Variants in PRDM16 observed in about 807,000 individuals in gnomAD.
PRDM16 encodes the protein PR/SET domain 16, also known as histone-lysine N-methyltransferase PRDM16.
A neutral mutation model predicts 110.6 loss-of-function variants in PRDM16; 23 were observed. The ratio of observed to expected loss-of-function variants is 0.21; its 90% CI spans 0.15 to 0.29. The LOEUF (loss-of-function observed/expected upper bound fraction) is 0.29, where lower values mean the gene tolerates loss of function less well. Ranked by LOEUF, PRDM16 falls within the 10% of genes least tolerant of loss-of-function variation. The probability of loss-of-function intolerance (pLI) is 1.00; values close to 1 mark genes in which losing one functional copy is unlikely to be tolerated. For synonymous variants in PRDM16, 799 were observed against 781.8 expected (o/e 1.02, Z -0.37); for missense variants, 1,615 against 1,794.3 (o/e 0.90, Z 1.81).
intron 1 of PRDM16, among the ~76,000 whole-genome samples, chr1:3,155,355 C>T (rs1040103680): frequency 1.3e-5 from 2 of 152,236 alleles, no homozygotes; most frequent in South Asian, 2.1e-4. Context: ...CGTGTGGCTT[C>T]GCCCGATTAG....
intron 1 of PRDM16, among the ~76,000 whole-genome samples, chr1:3,083,542 C>A (rs1302726663): frequency 1.3e-5 from 2 of 152,086 alleles, no homozygotes; most frequent in Non-Finnish European, 2.9e-5. Flanking sequence ...AGGAATGTCA[C>A]CAGCCTGCTG....
chr1:3,349,628 A>C (rs575552579), intron 3 of PRDM16, among the ~76,000 whole-genome samples: 2 of 152,308 alleles, frequency 1.3e-5, no homozygotes, highest in South Asian at 2.1e-4. Context: ...GAGCCGAGGC[A>C]GCCCGGCAGA....
intron 12 of PRDM16, among the ~76,000 whole-genome samples, chr1:3,421,917 A>G (rs904045083): frequency 1.3e-5 from 2 of 149,972 alleles, no homozygotes; most frequent in Non-Finnish European, 3.0e-5. Context: ...AACAGACAGG[A>G]AGACAGACAG....
At chr1:3,099,360 C>T (rs1481031292) in intron 1 of PRDM16, among the ~76,000 whole-genome samples, 2 of 152,252 alleles carry the variant, frequency 1.3e-5, no homozygotes, top group African/African-American at 2.4e-5. Context: ...GCCAAGGGGC[C>T]GGGAGAGATG....
intron 1 of PRDM16, among the ~76,000 whole-genome samples, chr1:3,184,090 G>T (rs1644241280): frequency 6.6e-6 from 1 of 152,140 alleles, no homozygotes; most frequent in Non-Finnish European, 1.5e-5. Context: ...GGTCTTTAGG[G>T]GGGAGGAACA....
Position 3,181,440 on chromosome 1 carries a change from AGTCTTACACGGTCTTACACACG to A in PRDM16, c.38-4675_38-4654del, listed in dbSNP as rs1557509107. ...CTTACACACGCGGTCTTACACAAGC[AGTCTTACACGGTCTTACACACG>A]GTCTTACACACGCAGTCTTACACAC... On this transcript the variant is annotated intron_variant, in intron 1 of 16. Coordinates refer to ENST00000270722, the MANE Select transcript of PRDM16 (RefSeq NM_022114.4). 5.9e-4 allele frequency among the ~76,000 whole-genome samples: 15 copies of A among 25,372 alleles called. 3 individuals are homozygous for A. Among genetic ancestry groups the A allele is most frequent in the African/African-American group, 1.1e-3 (13 of 12,334 alleles). 16.6% of individuals were successfully genotyped at this position (25,372 alleles called of 152,430 possible).
intron 3 of PRDM16, among the ~76,000 whole-genome samples, chr1:3,320,907 G>A (rs1641724450): frequency 1.3e-5 from 2 of 152,184 alleles, no homozygotes; most frequent in Non-Finnish European, 2.9e-5. Flanking sequence ...GAGGGAGGGG[G>A]CTGGCACGCC....
chr1:3,369,234 C>T (rs1298044552), intron 3 of PRDM16, among the ~76,000 whole-genome samples: 1 of 152,220 alleles, frequency 6.6e-6, no homozygotes, highest in African/African-American at 2.4e-5. Context: ...TCAAAACTGA[C>T]TCTGCAGCAC....
intron 1 of PRDM16, among the ~76,000 whole-genome samples, chr1:3,183,022 T>C (rs981538312): frequency 1.2e-4 from 18 of 152,220 alleles, no homozygotes; most frequent in African/African-American, 3.6e-4. Context: ...AATGAGATCA[T>C]GGCAAATCCC....
chr1:3,218,811 C>T (rs568896506), intron 2 of PRDM16, among the ~76,000 whole-genome samples: 2 of 152,328 alleles, frequency 1.3e-5, no homozygotes, highest in South Asian at 2.1e-4. Context: ...GCACGCTCAG[C>T]GGACAAGGTG....
At chr1:3,362,462 G>A (rs1356481874) in intron 3 of PRDM16, among the ~76,000 whole-genome samples, 1 of 152,168 alleles carries the variant, frequency 6.6e-6, no homozygotes, top group African/African-American at 2.4e-5. Flanking sequence ...CGGGAGTGGG[G>A]CAGGCAGAGA....
chr1:3,425,363 C>A lies in PRDM16; in HGVS notation c.2940-218C>A, dbSNP rs1638571355. 1.9e-6 allele frequency: 1 copy of A among 526,896 alleles called. No homozygotes were observed. The allele number at this position is 526,896 out of a possible 1,614,324, so 32.6% of individuals were successfully genotyped here. A position where few individuals can be genotyped will look rare whatever the true frequency, so the allele number is the denominator to read the frequency against. ...AAAGTGCTGTGATTATAGGCGTGAACCCCTGCTTCTTGAAGCCGGGGCTGT... is the reference window on the plus strand; with the variant it reads ...AAAGTGCTGTGATTATAGGCGTGAAACCCTGCTTCTTGAAGCCGGGGCTGT... On this transcript the variant is annotated intron_variant, in intron 12 of 16. Coordinates refer to ENST00000270722, the MANE Select transcript of PRDM16 (RefSeq NM_022114.4). The surrounding 1 kb of genome is among the most constrained non-coding windows in gnomAD (Gnocchi z 6.9).
At chr1:3,117,859 A>G (rs969404334) in intron 1 of PRDM16, among the ~76,000 whole-genome samples, 6 of 152,104 alleles carry the variant, frequency 3.9e-5, no homozygotes, top group Non-Finnish European at 5.9e-5. Flanking sequence ...TTCCACTTGG[A>G]ATGCAGGACA....
chr1:3,246,692 C>A lies in PRDM16; in HGVS notation c.438+2555C>A, dbSNP rs1448541864. Among the ~76,000 whole-genome samples the A allele has an allele frequency of 6.6e-6, 1 of 152,176 alleles. No individual in the cohort carries two copies. The highest frequency in any genetic ancestry group is 2.4e-5 in the African/African-American group (1 of 41,436). ...TTTTTTCAGCCTCCGCAATAAACAC[C>A]GTCAGCGTCTGGAGGATTCGAGTGT... is the stretch of plus-strand genomic sequence containing the variant. On this transcript the variant is annotated intron_variant, in intron 3 of 16. Transcript: ENST00000270722. This position sits in a 1 kb window ranked among gnomAD's most constrained non-coding sequence, Gnocchi z 5.2.
chr1:3,276,520 C>T (rs139196257), intron 3 of PRDM16, among the ~76,000 whole-genome samples: 2,510 of 152,354 alleles, frequency 0.016, 83 homozygotes, highest in African/African-American at 0.056. Context: ...GACCCGGACC[C>T]GCCCGCAGGA....
At chr1:3,384,691 T>C (rs1643165602) in intron 3 of PRDM16, among the ~76,000 whole-genome samples, 1 of 152,220 alleles carries the variant, frequency 6.6e-6, no homozygotes, top group South Asian at 2.1e-4. Context: ...ATGTGCAGGC[T>C]GCCCTGAGCA....
At chr1:3,203,504 A>G (rs1638679680) in intron 2 of PRDM16, among the ~76,000 whole-genome samples, 1 of 151,820 alleles carries the variant, frequency 6.6e-6, no homozygotes, top group Admixed American at 6.6e-5. Context: ...GCAGGTCCGG[A>G]GGCCAGAAGC....
intron 5 of PRDM16, among the ~76,000 whole-genome samples, chr1:3,398,108 C>A (rs116850814): frequency 0.013 from 1,976 of 152,240 alleles, 21 homozygotes; most frequent in South Asian, 0.037. Context: ...TTGAAAAGAT[C>A]TATGAATCTT....
chr1:3,414,763 A>G (rs907243416), intron 10 of PRDM16, 116 bp downstream of exon 10: 22 of 723,610 alleles, frequency 3.0e-5, no homozygotes, highest in Non-Finnish European at 5.0e-5. Context: ...AGGCCATACC[A>G]CGCACAGACG....
Sources: gnomAD v4.1 joint callset for allele counts (sites outside exome capture counted in the v4.1 genomes callset) on GRCh38, gnomAD v4.1.1 for gene constraint, Gnocchi (gnomAD v3.1) non-coding constraint, MANE v1.5 for transcripts, NCBI Gene and HGNC (gene_info 2026-07-23, HGNC 2026-07-21) for gene names.